Variants in DIPK1A observed in about 807,000 individuals in gnomAD.
The protein encoded by DIPK1A is divergent protein kinase domain 1A, also known as family with sequence similarity 69 member A.
In DIPK1A, 27 loss-of-function variants were observed where a neutral mutation model predicts 40.8. The ratio of observed to expected loss-of-function variants is 0.66; its 90% CI spans 0.49 to 0.91. The LOEUF (loss-of-function observed/expected upper bound fraction) is 0.91, where lower values mean the gene tolerates loss of function less well. Ranked by LOEUF, DIPK1A falls within the 40% of genes least tolerant of loss-of-function variation. The pLI, the probability that DIPK1A is intolerant of heterozygous loss-of-function variation, is 0.00. For missense variants in DIPK1A, 412 were observed against 505.7 expected, an observed-to-expected ratio of 0.81 and a Z score of 1.78; for synonymous variants, 166 against 171.3, an observed-to-expected ratio of 0.97 and a Z score of 0.24.
At chr1:92,946,076 T>A (rs1465794361) in intron 1 of DIPK1A, among the ~76,000 whole-genome samples, 1 of 152,178 alleles carries the variant, frequency 6.6e-6, no homozygotes, top group Admixed American at 6.5e-5. Context: ...AGAAATATGG[T>A]CTAGCTTCTG....
At chr1:92,879,111 C>T (rs1429271194) in intron 1 of DIPK1A, among the ~76,000 whole-genome samples, 1 of 151,922 alleles carries the variant, frequency 6.6e-6, no homozygotes, top group African/African-American at 2.4e-5. Flanking sequence ...GCCTGGGAGG[C>T]AGAGGTTGCA....
chr1:92,903,917 T>C (rs1275354453), intron 1 of DIPK1A, among the ~76,000 whole-genome samples: 1 of 152,212 alleles, frequency 6.6e-6, no homozygotes, highest in East Asian at 1.9e-4. Context: ...CTATTCTGTT[T>C]TCAGTTTGAT....
In DIPK1A at chr1:92,833,631, C is replaced by T. The variant is rs764649729; in HGVS notation, c.475-597G>A. The T allele has an allele frequency of 2.5e-6, 4 of 1,611,936 alleles. No homozygotes were observed. The highest frequency in any genetic ancestry group is 3.4e-6 in the Non-Finnish European group (4 of 1,179,788). The stretch of plus-strand genomic sequence containing the variant: ...CACACCCAAATACAGGATGATAGTT[C>T]GTGTGACAAACAGAGATATCATTTG... On this transcript the variant is annotated intron_variant, in intron 4 of 4. Coordinates refer to the DIPK1A transcript ENST00000615519.
chr1:92,893,822 T>C (rs1649024608), intron 1 of DIPK1A, among the ~76,000 whole-genome samples: 1 of 151,144 alleles, frequency 6.6e-6, no homozygotes, highest in Admixed American at 6.6e-5. Context: ...ACCAAGCAAA[T>C]GGAAAATAAA....
intron 1 of DIPK1A, among the ~76,000 whole-genome samples, chr1:92,904,313 AAAT>A (rs1376377348): frequency 6.6e-6 from 1 of 152,184 alleles, no homozygotes; most frequent in Non-Finnish European, 1.5e-5. Flanking sequence ...GTACCTAGAA[AAAT>A]AATAGGCTTC....
downstream of DIPK1A, among the ~76,000 whole-genome samples, chr1:92,838,427 TC>T (rs1687208061): frequency 6.6e-6 from 1 of 152,342 alleles, no homozygotes; most frequent in Admixed American, 6.5e-5. Context: ...AAAATTTACT[TC>T]CTAACCTATA....
chr1:92,870,073 T>TACACACACACAC (rs1211095931), intron 2 of DIPK1A, among the ~76,000 whole-genome samples: 3 of 143,636 alleles, frequency 2.1e-5, no homozygotes, highest in Admixed American at 2.1e-4. Context: ...ATGAATTATA[T>TACACACACACAC]ATACACACAC....
chr1:92,873,353 G>A (rs957235340), intron 2 of DIPK1A, among the ~76,000 whole-genome samples: 7 of 152,100 alleles, frequency 4.6e-5, no homozygotes, highest in Non-Finnish European at 1.0e-4. Flanking sequence ...GGTGCCTTAC[G>A]CCTGTAATCC....
rs558277020 is a variant in DIPK1A at position 92,949,496 on chromosome 1, C to T, written c.54+11880G>A. On this transcript the variant is annotated intron_variant, in intron 1 of 4. Coordinates refer to ENST00000370310, the MANE Select transcript of DIPK1A (RefSeq NM_001006605.5). ...TTTACCATGTTGGCCAGGTTGGTCTCGAACTTCTGACCTCAGGTGATCTAC... is the reference window on the plus strand; with the variant it reads ...TTTACCATGTTGGCCAGGTTGGTCTTGAACTTCTGACCTCAGGTGATCTAC... 7.9e-5 allele frequency among the ~76,000 whole-genome samples: 12 copies of T among 152,122 alleles called. 1 individual carries two copies. In the South Asian group the frequency reaches 2.1e-3, roughly 26 times the overall value.
Position 92,843,200 on chromosome 1 carries a change from TCTTGGGGAC to T in DIPK1A, c.*174_*182del. On this transcript the variant is annotated 3_prime_UTR_variant, in exon 5 of 5. Coordinates refer to ENST00000370310, the MANE Select transcript of DIPK1A (RefSeq NM_001006605.5). ...GGCTTCTAAAAGGGCAGGAATGACA[TCTTGGGGAC>T]CTGTTGATCCTACACCTGCCATTAC... The T allele has an allele frequency of 7.3e-7, 1 of 1,368,124 alleles. No individual in the cohort carries two copies. The highest frequency in any genetic ancestry group is 2.8e-4 in the Middle Eastern group (1 of 3,596). The allele number at this position is 1,368,124 out of a possible 1,614,324, so 84.7% of individuals were successfully genotyped here.
chr1:92,929,922 C>T (rs546448975), intron 1 of DIPK1A, among the ~76,000 whole-genome samples: 1 of 152,142 alleles, frequency 6.6e-6, no homozygotes, highest in African/African-American at 2.4e-5. Flanking sequence ...TCTTCAAAAC[C>T]AGAGAAGGAA....
At position 92,916,982 on chromosome 1, in the gene DIPK1A, ACTTTC is replaced by A. The variant is rs1365264449; in HGVS notation, c.55-40557_55-40553del. On this transcript the variant is annotated intron_variant, in intron 1 of 4. Transcript: ENST00000370310. ...ACTAGAACAGCTGTTTTCATTATCC[ACTTTC>A]CTTTCTAGTTGTCCACATGCAATTC... 4.6e-5 allele frequency among the ~76,000 whole-genome samples: 7 copies of A among 152,292 alleles called. No individual in the cohort carries two copies. The East Asian group carries it at 1.2e-3, about 25-fold the overall frequency.
In DIPK1A at chr1:92,843,648, G is replaced by A; in HGVS notation, c.1022C>T (p.Thr341Ile). 1.9e-6 allele frequency: 3 copies of A among 1,551,704 alleles called. No homozygotes were observed. Among genetic ancestry groups the A allele is most frequent in the Non-Finnish European group, 2.6e-6 (3 of 1,146,992 alleles). The change falls in exon 5 of 5, where the codon ACA becomes ATA. Residue 341 changes from threonine to isoleucine, a missense_variant. Physicochemically the swap from Thr to Ile is moderately conservative, Grantham distance 89 (BLOSUM62 -1). Coordinates refer to ENST00000370310, the MANE Select transcript of DIPK1A (RefSeq NM_001006605.5). ...CTGATCACAGCTAGTTCTACAATCTGTGCCATAGACACAGTCCAAATCAGA... is the reference window on the plus strand; with the variant it reads ...CTGATCACAGCTAGTTCTACAATCTATGCCATAGACACAGTCCAAATCAGA... ...CESDLDCVYG[T>I]DCRTSCDQST...
intron 1 of DIPK1A, among the ~76,000 whole-genome samples, chr1:92,903,227 G>A (rs1268354333): frequency 6.6e-6 from 1 of 151,924 alleles, no homozygotes; most frequent in East Asian, 1.9e-4. Context: ...TGTATTTTTT[G>A]TAGAAACAGG....
intron 1 of DIPK1A, among the ~76,000 whole-genome samples, chr1:92,880,155 C>T (rs575130163): frequency 2.0e-5 from 3 of 152,284 alleles, no homozygotes; most frequent in Admixed American, 1.3e-4. Flanking sequence ...TAGCCCCCCA[C>T]AGCAAAGCAT....
intron 1 of DIPK1A, among the ~76,000 whole-genome samples, chr1:92,930,378 T>C (rs919179819): frequency 1.2e-4 from 19 of 152,216 alleles, no homozygotes; most frequent in African/African-American, 4.6e-4. Flanking sequence ...TCATTTCTGG[T>C]ATCTGGAGAT....
chr1:92,856,633 G>A (rs1348520433), intron 2 of DIPK1A, among the ~76,000 whole-genome samples: 1 of 152,068 alleles, frequency 6.6e-6, no homozygotes, highest in Non-Finnish European at 1.5e-5. Flanking sequence ...GTCAGGCTGG[G>A]CTCGAACTTT....
chr1:92,919,298 T>C (rs1338893977), intron 1 of DIPK1A, among the ~76,000 whole-genome samples: 1 of 152,212 alleles, frequency 6.6e-6, no homozygotes, highest in Non-Finnish European at 1.5e-5. Flanking sequence ...AAGAAATATT[T>C]TGGCACTTAA....
At chr1:92,955,259 T>C (rs1651801881) in intron 1 of DIPK1A, among the ~76,000 whole-genome samples, 1 of 152,230 alleles carries the variant, frequency 6.6e-6, no homozygotes, top group African/African-American at 2.4e-5. Context: ...TAATGATGGA[T>C]ACATGTCATT....
Sources: allele counts gnomAD v4.1 joint callset (sites outside exome capture counted in the v4.1 genomes callset), GRCh38; gene constraint gnomAD v4.1.1; transcripts MANE v1.5; gene names NCBI Gene and HGNC (gene_info 2026-07-23, HGNC 2026-07-21).